Variants in CCBE1 observed in about 807,000 individuals in gnomAD.
CCBE1 encodes collagen and calcium binding EGF domains 1, also known as collagen and calcium-binding EGF domain-containing protein 1.
Under a neutral mutation model 50.0 loss-of-function variants are expected in CCBE1, and 37 were observed. The ratio of observed to expected loss-of-function variants is 0.74; its 90% CI spans 0.57 to 0.97. CCBE1 has a LOEUF of 0.97. Among genes scored for constraint, CCBE1 ranks in the 50% least tolerant of loss-of-function variants. CCBE1 has a pLI of 0.00. For missense variants in CCBE1, 538 were observed against 523.8 expected, an observed-to-expected ratio of 1.03 and a Z score of -0.26; for synonymous variants, 234 against 203.7, an observed-to-expected ratio of 1.15 and a Z score of -1.27.
intron 2 of CCBE1, among the ~76,000 whole-genome samples, chr18:59,682,018 G>T (rs1276790258): frequency 6.6e-6 from 1 of 152,178 alleles, no homozygotes; most frequent in East Asian, 1.9e-4. Flanking sequence ...GAGCCAGAGG[G>T]TTTCTGGAGG....
In CCBE1 at chr18:59,612,815, G is replaced by GT. The variant is rs796066639; in HGVS notation, c.212+83813dup. ...GAAAAGAACTCAGCCAATCTCAAGGGTTTTTTTTTTGTTTTTTTTTGTTTT... is the reference window on the plus strand; with the variant it reads ...GAAAAGAACTCAGCCAATCTCAAGGGTTTTTTTTTTTGTTTTTTTTTGTTTT... On this transcript the variant is annotated intron_variant, in intron 2 of 10. Coordinates refer to ENST00000439986, the MANE Select transcript of CCBE1 (RefSeq NM_133459.4). 2.3e-3 allele frequency among the ~76,000 whole-genome samples: 268 copies of GT among 114,942 alleles called. 10 individuals are homozygous for GT. The East Asian group carries it at 0.049, about 21-fold the overall frequency. 75.4% of individuals were successfully genotyped at this position (114,942 alleles called of 152,430 possible). A position where few individuals can be genotyped will look rare whatever the true frequency, so the allele number is the denominator to read the frequency against.
chr18:59,599,122 CT>C (rs1599049412), intron 2 of CCBE1, among the ~76,000 whole-genome samples: 1 of 152,182 alleles, frequency 6.6e-6, no homozygotes, highest in Non-Finnish European at 1.5e-5. Context: ...TATTTTTCTC[CT>C]CCCACCGTCA....
intron 2 of CCBE1, among the ~76,000 whole-genome samples, chr18:59,609,313 T>C (rs2053541701): frequency 6.6e-6 from 1 of 152,246 alleles, no homozygotes; most frequent in Admixed American, 6.5e-5. Context: ...CAGACTCATA[T>C]GCAGTGGCTT....
intron 2 of CCBE1, among the ~76,000 whole-genome samples, chr18:59,601,899 T>C (rs2053439329): frequency 1.3e-5 from 2 of 152,204 alleles, no homozygotes; most frequent in South Asian, 4.1e-4. Flanking sequence ...TTGTCACTAT[T>C]AGTTTTTCCA....
In CCBE1 at chr18:59,597,634, T is replaced by C. The variant is rs140384279; in HGVS notation, c.212+98995A>G. On this transcript the variant is annotated intron_variant, in intron 2 of 10. Transcript: ENST00000439986. ...ACGGGGAAAAGTAGCAGTAAAGTGT[T>C]CACCTAGAAGTAGGTCTGGTATCGG... Among the ~76,000 whole-genome samples, 337 of 152,320 alleles carry C rather than the reference T, an allele frequency of 2.2e-3. 6 individuals carry two copies. The East Asian group carries it at 0.032, about 15-fold the overall frequency.
intron 2 of CCBE1, chr18:59,688,538 T>G (rs1178195365): frequency 1.3e-5 from 2 of 152,142 alleles, no homozygotes; most frequent in Admixed American, 6.5e-5. Flanking sequence ...GATATGCAAA[T>G]CAATGAGGTA....
rs77420367 is a variant in CCBE1 at position 59,453,819 on chromosome 18, G to A, written c.654+1032C>T. ...ATTTCTGAGTCCCTGACAAACTAGC[G>A]AATTGAGCAATCTTAGGTAGAATAA... On this transcript the variant is annotated intron_variant, in intron 6 of 10. Coordinates refer to ENST00000439986, the MANE Select transcript of CCBE1 (RefSeq NM_133459.4). 0.015 allele frequency among the ~76,000 whole-genome samples: 2,262 copies of A among 152,250 alleles called. 122 individuals carry two copies. The East Asian group carries it at 0.2, about 14-fold the overall frequency.
chr18:59,557,995 G>T (rs568433293), intron 2 of CCBE1, among the ~76,000 whole-genome samples: 2 of 152,262 alleles, frequency 1.3e-5, no homozygotes, highest in East Asian at 1.9e-4. Context: ...GACATAACAT[G>T]GTAAGTGTGG....
chr18:59,594,127 A>G (rs75573338), intron 2 of CCBE1, among the ~76,000 whole-genome samples: 1 of 152,216 alleles, frequency 6.6e-6, no homozygotes, highest in African/African-American at 2.4e-5. Context: ...GGTTCTTGCC[A>G]TCTTGGGGCC....
chr18:59,696,640 G>C lies in CCBE1; in HGVS notation c.201C>G (p.Thr67=), dbSNP rs1424630322. 6.2e-6 allele frequency: 10 copies of C among 1,614,002 alleles called. No individual in the cohort carries two copies. The highest frequency in any genetic ancestry group is 1.3e-5 in the African/African-American group (1 of 75,060). The part of the protein sequence containing the change: ...YPCLKSSGEL[T]TCYRKKCCKG... ...GCCCCCAGGCTTACCTGTAGCATGT[G>C]GTGAGCTCGCCTGAAGACTTCAGAC... Residue 67 remains threonine (T), a synonymous_variant, in exon 2 of 11, where the codon ACC becomes ACG. Transcript: ENST00000439986.
chr18:59,469,430 G>A, intron 4 of CCBE1, 43 bp downstream of exon 4: 1 of 1,613,674 alleles, frequency 6.2e-7, no homozygotes. Flanking sequence ...ATCTGAACAA[G>A]GCACATGTTC....
intron 2 of CCBE1, among the ~76,000 whole-genome samples, chr18:59,692,493 G>T (rs1652072): frequency 0.04 from 6,079 of 152,178 alleles, 248 homozygotes; most frequent in African/African-American, 0.1. Flanking sequence ...CCACTCCCCC[G>T]CCATGGGAAC....
At chr18:59,437,866 C>T (rs187109021) in intron 10 of CCBE1, among the ~76,000 whole-genome samples, 145 of 152,282 alleles carry the variant, frequency 9.5e-4, no homozygotes, top group African/African-American at 3.3e-3. Context: ...TTAGGAAAGA[C>T]ATTTCAAATA....
rs541822386 is a variant in CCBE1, at chr18:59,541,046, A to G, written c.213-60808T>C. ...CTCACGTGGGAACATTGGGCAATTC[A>G]TTTAAGCTGTCTGAGATTGTTCTTC... On this transcript the variant is annotated intron_variant, in intron 2 of 10. Transcript: ENST00000439986. 2.0e-5 allele frequency among the ~76,000 whole-genome samples: 3 copies of G among 152,322 alleles called. No individual in the cohort carries two copies. In the East Asian group the frequency reaches 5.8e-4, roughly 29 times the overall value.
At chr18:59,530,000 G>A (rs1598983697) in intron 2 of CCBE1, among the ~76,000 whole-genome samples, 1 of 152,178 alleles carries the variant, frequency 6.6e-6, no homozygotes, top group African/African-American at 2.4e-5. Flanking sequence ...CCCAATCCCA[G>A]AGTTTCTGAG....
chr18:59,538,722 C>T (rs957233915), intron 2 of CCBE1, among the ~76,000 whole-genome samples: 1 of 152,172 alleles, frequency 6.6e-6, no homozygotes. Context: ...ATGAGCCTGA[C>T]AGAATTTAGA....
At chr18:59,445,940 A>T (rs1408157993) in intron 7 of CCBE1, among the ~76,000 whole-genome samples, 1 of 152,236 alleles carries the variant, frequency 6.6e-6, no homozygotes, top group Non-Finnish European at 1.5e-5. Flanking sequence ...ATTCCAACCC[A>T]GAGTAGTTTC....
intron 3 of CCBE1, among the ~76,000 whole-genome samples, chr18:59,473,827 T>TGCC (rs1912174851): frequency 1.6e-5 from 1 of 62,934 alleles, no homozygotes; most frequent in Non-Finnish European, 3.3e-5. Context: ...CCCCTACTAC[T>TGCC]CACCTTCCAA....
chr18:59,601,700 ATTTCT>A (rs1263131222), intron 2 of CCBE1, among the ~76,000 whole-genome samples: 2 of 152,150 alleles, frequency 1.3e-5, no homozygotes, highest in South Asian at 4.1e-4. Context: ...CCAGCCCCAG[ATTTCT>A]TTTAATTGCT....
Sources: allele counts gnomAD v4.1 joint callset (sites outside exome capture counted in the v4.1 genomes callset), GRCh38; gene constraint gnomAD v4.1.1; transcripts MANE v1.5; gene names NCBI Gene and HGNC (gene_info 2026-07-23, HGNC 2026-07-21).